The following HIVEP2 variants were observed in gnomAD, a reference collection of about 807,000 sequenced individuals.
HIVEP2 encodes the protein HIVEP zinc finger 2.
Under a neutral mutation model 180.7 loss-of-function variants are expected in HIVEP2, and 14 were observed. The observed-to-expected ratio is 0.08, with a 90% CI of 0.05 to 0.12. The LOEUF is 0.12. HIVEP2 is among the 10% of genes least tolerant of loss of function. The pLI, the probability that HIVEP2 is intolerant of heterozygous loss-of-function variation, is 1.00. For missense variants in HIVEP2, 2,579 were observed against 3,008.5 expected, an observed-to-expected ratio of 0.86 and a Z score of 3.34; for synonymous variants, 1,184 against 1,136.4, an observed-to-expected ratio of 1.04 and a Z score of -0.84.
At chr6:142,820,289 G>A (rs1171720837) in intron 2 of HIVEP2, among the ~76,000 whole-genome samples, 1 of 84,208 alleles carries the variant, frequency 1.2e-5, no homozygotes, top group African/African-American at 5.6e-5. Context: ...TACCAGGCTC[G>A]CTCTCTCTTC....
chr6:142,775,031 A>T lies in HIVEP2; in HGVS notation c.-293T>A. 1 of 1,130,296 alleles carries T rather than the reference A, an allele frequency of 8.8e-7. No homozygotes were observed. Among genetic ancestry groups the T allele is most frequent in the Non-Finnish European group, 1.1e-6 (1 of 921,556 alleles). The allele number at this position is 1,130,296 out of a possible 1,614,324, so 70.0% of individuals were successfully genotyped here. A position where few individuals can be genotyped will look rare whatever the true frequency, so the allele number is the denominator to read the frequency against. On this transcript the variant is annotated 5_prime_UTR_variant, in exon 5 of 10. In the 5' UTR this introduces an upstream ATG that the reference lacks. Transcript: ENST00000367603. ...TTCTTATGGCATTTGAAAATTTTCA[A>T]CTAGGATGAAATTGGGATGATGAAT...
intron 1 of HIVEP2, among the ~76,000 whole-genome samples, chr6:142,941,675 T>C (rs538209150): frequency 4.6e-5 from 7 of 152,222 alleles, no homozygotes; most frequent in Admixed American, 2.6e-4. Context: ...TGAAGTTCCT[T>C]ATGAAACCTT....
At chr6:142,923,287 T>A (rs12203485) in intron 1 of HIVEP2, among the ~76,000 whole-genome samples, 1 of 151,156 alleles carries the variant, frequency 6.6e-6, no homozygotes, top group African/African-American at 2.4e-5. Context: ...GCTGAGATCG[T>A]GCCACTGTAC....
rs145055851 is a variant in HIVEP2 at position 142,859,793 on chromosome 6, C to T, written c.-640-22746G>A. Among the ~76,000 whole-genome samples the T allele has an allele frequency of 3.3e-3, 417 of 128,036 alleles. 2 individuals are homozygous for T. Among genetic ancestry groups the T allele is most frequent in the African/African-American group, 0.01 (339 of 33,778 alleles). 84.0% of individuals were successfully genotyped at this position (128,036 alleles called of 152,430 possible). A position where few individuals can be genotyped will look rare whatever the true frequency, so the allele number is the denominator to read the frequency against. ...ATGTTGCAGTGAGTCAAGATCACAC[C>T]ATTGCACTCCAGTCTGGGCAATAAG... On this transcript the variant is annotated intron_variant, in intron 1 of 9. Transcript: ENST00000367603.
chr6:142,782,153 G>C (rs1021530200), intron 3 of HIVEP2, among the ~76,000 whole-genome samples: 1 of 152,158 alleles, frequency 6.6e-6, no homozygotes, highest in East Asian at 1.9e-4. Context: ...GGATTTGGTG[G>C]TATGACACTT....
At chr6:142,924,662 T>C (rs1256774742) in intron 1 of HIVEP2, among the ~76,000 whole-genome samples, 1 of 152,218 alleles carries the variant, frequency 6.6e-6, no homozygotes, top group African/African-American at 2.4e-5. Context: ...GTGGAATATA[T>C]GCCCAAAAGT....
chr6:142,920,699 C>A (rs1232479857), intron 1 of HIVEP2, among the ~76,000 whole-genome samples: 1 of 152,050 alleles, frequency 6.6e-6, no homozygotes, highest in Admixed American at 6.5e-5. Context: ...TTTATTAATC[C>A]AGCTGGGCAT....
At chr6:142,797,766 G>A (rs2114746843) in intron 2 of HIVEP2, among the ~76,000 whole-genome samples, 1 of 152,158 alleles carries the variant, frequency 6.6e-6, no homozygotes, top group Non-Finnish European at 1.5e-5. Context: ...CTCTTACTGT[G>A]TCTAAGTTAT....
At chr6:142,931,402 A>T (rs1777939791) in intron 1 of HIVEP2, among the ~76,000 whole-genome samples, 1 of 152,050 alleles carries the variant, frequency 6.6e-6, no homozygotes, top group Non-Finnish European at 1.5e-5. Flanking sequence ...ATTGACGAAA[A>T]GGTTAATTTA....
intron 1 of HIVEP2, among the ~76,000 whole-genome samples, chr6:142,886,944 A>G (rs1447916316): frequency 6.6e-6 from 1 of 152,210 alleles, no homozygotes; most frequent in Admixed American, 6.6e-5. Flanking sequence ...ACATATTTTT[A>G]GTACTAAGAT....
chr6:142,884,134 A>G (rs1776640663), intron 1 of HIVEP2, among the ~76,000 whole-genome samples: 1 of 152,198 alleles, frequency 6.6e-6, no homozygotes, highest in South Asian at 2.1e-4. Flanking sequence ...AAAGTTTTAA[A>G]ATCTCTTTTT....
rs185349062 is a variant in HIVEP2, at chr6:142,784,234, G to A, written c.-527-619C>T. Reference sequence around the variant, plus strand: ...TAGATTAATCAACAATCTTAACAGAGTTTATCTCCCAGTATAAAAGACCTA... The same window carrying A: ...TAGATTAATCAACAATCTTAACAGAATTTATCTCCCAGTATAAAAGACCTA... On this transcript the variant is annotated intron_variant, in intron 2 of 9. Transcript: ENST00000367603. 8.0e-4 allele frequency among the ~76,000 whole-genome samples: 121 copies of A among 152,118 alleles called. 1 individual carries two copies. In the East Asian group the frequency reaches 0.016, roughly 21 times the overall value.
Position 142,770,039 on chromosome 6 carries a change from T to C in HIVEP2, c.4700A>G (p.Asp1567Gly). ...SGPSESKESS[D>G]ELDIDETASD... Reference sequence around the variant, plus strand: ...TGCCGTCTCATCGATATCTAATTCATCTGAAGATTCTTTGCTTTCAGAAGG... The same window carrying C: ...TGCCGTCTCATCGATATCTAATTCACCTGAAGATTCTTTGCTTTCAGAAGG... The change falls in exon 5 of 10, where the codon GAT (aspartate) becomes GGT (glycine). Residue 1567 changes from aspartate to glycine, a missense_variant. Transcript: ENST00000367603. This position sits in a 1 kb window ranked among gnomAD's most constrained non-coding sequence, Gnocchi z 4.7. 6.2e-7 allele frequency: 1 copy of C among 1,614,194 alleles called. No homozygotes were observed. Among genetic ancestry groups the C allele is most frequent in the Non-Finnish European group, 8.5e-7 (1 of 1,180,038 alleles).
At chr6:142,874,090 G>A (rs527525374) in intron 1 of HIVEP2, among the ~76,000 whole-genome samples, 5 of 152,144 alleles carry the variant, frequency 3.3e-5, no homozygotes, top group Admixed American at 2.0e-4. Context: ...TATTCAAAAC[G>A]TGTAGGCGGG....
chr6:142,753,780 C>G lies in HIVEP2; in HGVS notation c.6668G>C (p.Arg2223Pro). 6.2e-7 allele frequency: 1 copy of G among 1,614,140 alleles called. No individual in the cohort carries two copies. The highest frequency in any genetic ancestry group is 8.5e-7 in the Non-Finnish European group (1 of 1,180,022). ...HLPLHSQQQV[R>P]APIPMVPVGG... is the part of the protein sequence containing the mutation. The stretch of plus-strand genomic sequence containing the variant: ...AACGGGCACCATGGGGATAGGGGCT[C>G]GCACTTGTTGCTGAGAGTGGAGTGG... The change falls in exon 10 of 10, where the codon CGA becomes CCA. Residue 2223 changes from arginine to proline, a missense_variant. Arg to Pro is a moderately radical substitution (Grantham distance 103). Around this residue, in one of 11 missense-constraint regions of HIVEP2, gnomAD observed 660 missense variants for 731.7 expected, o/e 0.90. Coordinates refer to ENST00000367603, the MANE Select transcript of HIVEP2 (RefSeq NM_006734.4).
At chr6:142,902,767 C>T (rs1191854091) in intron 1 of HIVEP2, among the ~76,000 whole-genome samples, 1 of 152,212 alleles carries the variant, frequency 6.6e-6, no homozygotes, top group Admixed American at 6.5e-5. Flanking sequence ...CCTCACAATG[C>T]TGATACTACA....
intron 2 of HIVEP2, among the ~76,000 whole-genome samples, chr6:142,827,364 T>C (rs1261955558): frequency 1.3e-5 from 2 of 152,236 alleles, no homozygotes; most frequent in Admixed American, 6.5e-5. Context: ...TTATTAATAG[T>C]ATCCCTATCA....
Position 142,774,445 on chromosome 6 carries a change from G to C in HIVEP2, c.294C>G (p.Leu98=). The change falls in exon 5 of 10, where the codon CTC becomes CTG. Residue 98 remains leucine (L), a synonymous_variant. Coordinates refer to ENST00000367603, the MANE Select transcript of HIVEP2 (RefSeq NM_006734.4). The surrounding 1 kb of genome is among the most constrained non-coding windows in gnomAD (Gnocchi z 5.1). The part of the protein sequence containing the change: ...RPSPYSCQHS[L]SFPQHSLPQG... ...GTGGCAATGAGTGCTGAGGGAAAGA[G>C]AGTGAGTGTTGGCATGAGTAAGGAC... is the stretch of plus-strand genomic sequence containing the variant. 6.2e-7 allele frequency: 1 copy of C among 1,614,202 alleles called. No individual in the cohort carries two copies. The highest frequency in any genetic ancestry group is 8.5e-7 in the Non-Finnish European group (1 of 1,180,036).
intron 1 of HIVEP2, among the ~76,000 whole-genome samples, chr6:142,895,269 G>GT (rs1033065706): frequency 3.3e-5 from 5 of 151,204 alleles, no homozygotes; most frequent in African/African-American, 1.2e-4. Context: ...TGAAATTTTG[G>GT]TTTTTTTTAA....
Sources: allele counts gnomAD v4.1 joint callset (sites outside exome capture counted in the v4.1 genomes callset), GRCh38; gene constraint gnomAD v4.1.1; regional missense constraint gnomAD v4.1.1; non-coding constraint Gnocchi (gnomAD v3.1); transcripts MANE v1.5; gene names NCBI Gene and HGNC (gene_info 2026-07-23, HGNC 2026-07-21).